The following SNX29 variants were observed in gnomAD, a reference collection of about 807,000 sequenced individuals.
SNX29 encodes the protein sorting nexin-29.
A neutral mutation model predicts 102.1 loss-of-function variants in SNX29; 78 were observed. That is an observed-to-expected ratio of 0.76 (90% CI 0.64 to 0.92). SNX29 has a LOEUF of 0.92. Among genes scored for constraint, SNX29 ranks in the 40% least tolerant of loss-of-function variants. The pLI, the probability that SNX29 is intolerant of heterozygous loss-of-function variation, is 0.00. For missense variants in SNX29, 1,280 were observed against 1,061.7 expected (o/e 1.21, Z -2.86); for synonymous variants, 580 against 414.5 (o/e 1.40, Z -4.85).
At chr16:12,345,942 G>T (rs2081787264) in intron 15 of SNX29, among the ~76,000 whole-genome samples, 1 of 152,096 alleles carries the variant, frequency 6.6e-6, no homozygotes, top group African/African-American at 2.4e-5. Context: ...GCACCTCTGT[G>T]TGCCCAGCAC....
At chr16:12,350,435 A>T (rs1424734099) in intron 15 of SNX29, among the ~76,000 whole-genome samples, 1 of 152,186 alleles carries the variant, frequency 6.6e-6, no homozygotes, top group Non-Finnish European at 1.5e-5. Context: ...AACATCATTT[A>T]ATAGAAGGTA....
intron 20 of SNX29, among the ~76,000 whole-genome samples, chr16:12,538,407 A>G (rs970678313): frequency 6.6e-6 from 1 of 152,160 alleles, no homozygotes; most frequent in Admixed American, 6.6e-5. Context: ...GCACTTTTAA[A>G]ATGATGTCTG....
At chr16:12,558,303 C>A (rs1012970948) in intron 20 of SNX29, among the ~76,000 whole-genome samples, 1 of 152,070 alleles carries the variant, frequency 6.6e-6, no homozygotes, top group Non-Finnish European at 1.5e-5. Flanking sequence ...CGAGATGGCC[C>A]CTGGTCACCT....
chr16:12,062,177 G>T (rs565089732), intron 9 of SNX29, among the ~76,000 whole-genome samples: 2 of 152,064 alleles, frequency 1.3e-5, no homozygotes, highest in South Asian at 4.1e-4. Flanking sequence ...TCAGGAGTTT[G>T]AGACCAGCCT....
intron 9 of SNX29, among the ~76,000 whole-genome samples, chr16:12,062,058 T>C (rs2050798463): frequency 6.6e-6 from 1 of 152,098 alleles, no homozygotes; most frequent in African/African-American, 2.4e-5. Context: ...AGAAAAGTGC[T>C]TGGGGATCAG....
chr16:12,130,568 C>A (rs1298468611), intron 13 of SNX29, among the ~76,000 whole-genome samples: 5 of 151,016 alleles, frequency 3.3e-5, no homozygotes, highest in African/African-American at 1.2e-4. Context: ...AGTATATATG[C>A]ACGTGGTTCA....
At chr16:12,155,343 C>T (rs374034763) in intron 13 of SNX29, among the ~76,000 whole-genome samples, 1 of 152,100 alleles carries the variant, frequency 6.6e-6, no homozygotes, top group Non-Finnish European at 1.5e-5. Context: ...GAAGAACAGG[C>T]GCAATTTAGC....
chr16:12,258,570 C>T (rs1398769133), intron 14 of SNX29, among the ~76,000 whole-genome samples: 1 of 152,170 alleles, frequency 6.6e-6, no homozygotes, highest in Non-Finnish European at 1.5e-5. Context: ...GATGTAAGTG[C>T]TCAGCAGAAC....
chr16:12,330,460 A>G (rs926987461), intron 15 of SNX29, among the ~76,000 whole-genome samples: 1 of 152,192 alleles, frequency 6.6e-6, no homozygotes, highest in African/African-American at 2.4e-5. Context: ...CTTGACGGTC[A>G]TAAGTAATGA....
chr16:12,542,969 C>G (rs747386084), intron 20 of SNX29, among the ~76,000 whole-genome samples: 3 of 152,068 alleles, frequency 2.0e-5, no homozygotes, highest in East Asian at 1.9e-4. Flanking sequence ...AAAAGAAGTA[C>G]TTACTACTCC....
At chr16:12,404,388 G>A (rs1055863341) in intron 18 of SNX29, among the ~76,000 whole-genome samples, 5 of 152,148 alleles carry the variant, frequency 3.3e-5, no homozygotes, top group Admixed American at 2.6e-4. Context: ...CCCACAGCTC[G>A]TCTGCATGTC....
intron 8 of SNX29, among the ~76,000 whole-genome samples, chr16:12,060,499 T>C (rs59635223): frequency 6.6e-6 from 1 of 152,004 alleles, no homozygotes; most frequent in African/African-American, 2.4e-5. Flanking sequence ...CTCCTCGGGA[T>C]GCTGAGGCAG....
At chr16:12,225,996 G>T (rs901548880) in intron 14 of SNX29, among the ~76,000 whole-genome samples, 2 of 152,124 alleles carry the variant, frequency 1.3e-5, no homozygotes, top group African/African-American at 2.4e-5. Context: ...CTCATCCTCC[G>T]GCATTCTAGC....
intron 6 of SNX29, 40 bp downstream of exon 6, chr16:12,046,494 C>T (rs761997389): frequency 6.2e-7 from 1 of 1,604,620 alleles, no homozygotes; most frequent in African/African-American, 1.3e-5. Flanking sequence ...CCTTGTGACA[C>T]TTGGCAGAGG....
At chr16:12,352,305 G>A (rs1410305047) in intron 15 of SNX29, among the ~76,000 whole-genome samples, 1 of 150,940 alleles carries the variant, frequency 6.6e-6, no homozygotes, top group African/African-American at 2.4e-5. Flanking sequence ...TCATAGGTGG[G>A]AGTTGAACAA....
At chr16:11,994,995 C>G (rs1257276754) in intron 1 of SNX29, among the ~76,000 whole-genome samples, 1 of 152,202 alleles carries the variant, frequency 6.6e-6, no homozygotes. Context: ...TCAGTGCTCT[C>G]CACTGTTCCT....
At chr16:12,047,874 C>T (rs957283370) in intron 6 of SNX29, among the ~76,000 whole-genome samples, 1 of 151,962 alleles carries the variant, frequency 6.6e-6, no homozygotes, top group Non-Finnish European at 1.5e-5. Context: ...TCAGGCTGGT[C>T]TCGAACTCCT....
chr16:12,275,406 G>T (rs1394061103), intron 14 of SNX29, among the ~76,000 whole-genome samples: 1 of 152,176 alleles, frequency 6.6e-6, no homozygotes, highest in Non-Finnish European at 1.5e-5. Flanking sequence ...GACCTACTGC[G>T]TTTTCTCCAG....
intron 13 of SNX29, among the ~76,000 whole-genome samples, chr16:12,188,152 T>A (rs1456486624): frequency 1.3e-5 from 2 of 152,240 alleles, no homozygotes; most frequent in African/African-American, 4.8e-5. Context: ...TGAGTAATAA[T>A]GATGATGACA....
Sources: allele counts gnomAD v4.1 joint callset (sites outside exome capture counted in the v4.1 genomes callset), GRCh38; gene constraint gnomAD v4.1.1; transcripts MANE v1.5; gene names NCBI Gene and HGNC (gene_info 2026-07-23, HGNC 2026-07-21).